TRIM34: variants seen among roughly 807,000 people sequenced by gnomAD.
TRIM34 encodes E3 ubiquitin-protein ligase TRIM34.
Under a neutral mutation model 38.1 loss-of-function variants are expected in TRIM34, and 41 were observed. That is an observed-to-expected ratio of 1.08 (90% CI 0.84 to 1.40). TRIM34 has a LOEUF of 1.40. TRIM34 is among the 40% of genes most tolerant of loss of function. The pLI is 0.00. For missense variants in TRIM34, 556 were observed against 571.4 expected, an observed-to-expected ratio of 0.97 and a Z score of 0.27; for synonymous variants, 200 against 202.5, an observed-to-expected ratio of 0.99 and a Z score of 0.10.
Position 5,643,182 on chromosome 11 carries a change from C to A in TRIM34, c.940C>A (p.Leu314Ile). 1 of 1,580,452 alleles carries A rather than the reference C, an allele frequency of 6.3e-7. No homozygotes were observed. Among genetic ancestry groups the A allele is most frequent in the Non-Finnish European group, 8.6e-7 (1 of 1,166,290 alleles). ...TLNSVNLNLN[L>I]VLSEDQRQVI... ...GAATTCAGTCAACCTAAATTTGAAT[C>A]TTGTCCTTTCAGAAGATCAGAGACA... The change falls in exon 8 of 8, where the codon CTT (leucine) becomes ATT (isoleucine). Residue 314 changes from leucine to isoleucine, a missense_variant. By Grantham distance (5) the Leu-to-Ile change is conservative. Coordinates refer to ENST00000429814, the MANE Select transcript of TRIM34 (RefSeq NM_021616.6).
chr11:5,641,354 G>C (rs951463759), intron 5 of TRIM34, 165 bp downstream of exon 5: 3 of 1,462,862 alleles, frequency 2.1e-6, no homozygotes, highest in East Asian at 5.1e-5. Flanking sequence ...TGAGTGTTCC[G>C]TAACTATTAA....
chr11:5,635,254 ATT>A (rs35208771), intron 4 of TRIM34, among the ~76,000 whole-genome samples: 61,579 of 127,580 alleles, frequency 0.48, 13,271 homozygotes, highest in Non-Finnish European at 0.56. Flanking sequence ...TTCCCTGTTA[ATT>A]TTTTTTTTTT....
chr11:5,638,337 G>A (rs1849837347), intron 4 of TRIM34, among the ~76,000 whole-genome samples: 1 of 152,194 alleles, frequency 6.6e-6, no homozygotes, highest in East Asian at 1.9e-4. Flanking sequence ...TTGTGACAGA[G>A]GTTTGAGCTT....
In TRIM34 at chr11:5,627,503, CT is replaced by C. The variant is rs1849297992; in HGVS notation, c.-78+2444del. ...GGTTGGAAACTAATTTGAAAAAAAA[CT>C]CTTTCAGCATATTCTCACGAAGTAA... On this transcript the variant is annotated intron_variant, in intron 1 of 7. Transcript: ENST00000429814. 2.6e-5 allele frequency among the ~76,000 whole-genome samples: 4 copies of C among 152,266 alleles called. No homozygotes were observed. In the South Asian group the frequency reaches 8.3e-4, roughly 32 times the overall value.
At chr11:5,642,540 GA>G (rs769630383) in intron 6 of TRIM34, 34 bp downstream of exon 6, 92 of 1,609,012 alleles carry the variant, frequency 5.7e-5, no homozygotes, top group Non-Finnish European at 7.3e-5. Flanking sequence ...GTGGATGTGG[GA>G]TTGTTGTGGT....
chr11:5,635,261 T>C (rs1849683331), intron 4 of TRIM34, among the ~76,000 whole-genome samples: 1 of 150,768 alleles, frequency 6.6e-6, no homozygotes, highest in Non-Finnish European at 1.5e-5. Flanking sequence ...TTAATTTTTT[T>C]TTTTTTTTTT....
chr11:5,629,180 G>T (rs1849373504), intron 1 of TRIM34, among the ~76,000 whole-genome samples: 1 of 152,176 alleles, frequency 6.6e-6, no homozygotes, highest in Non-Finnish European at 1.5e-5. Context: ...AGGAGACTGA[G>T]GCAGGAGAAT....
At chr11:5,629,982 A>G (rs1037209888) in intron 1 of TRIM34, among the ~76,000 whole-genome samples, 2 of 152,124 alleles carry the variant, frequency 1.3e-5, no homozygotes, top group Non-Finnish European at 2.9e-5. Context: ...CTGAGATTAC[A>G]GGGGTGAGCC....
Position 5,632,821 on chromosome 11 carries a change from C to CTT in TRIM34, c.423+67_423+68insTT. On this transcript the variant is annotated intron_variant, in intron 2 of 7. Coordinates refer to ENST00000429814, the MANE Select transcript of TRIM34 (RefSeq NM_021616.6). ...TTGGTGGAAAATCTCACCTTTTCAT[C>CTT]CTTTTTTTTTTTTTTTTTTTTTTGA... is the stretch of plus-strand genomic sequence containing the variant. 6 of 1,189,790 alleles carry CTT rather than the reference C, an allele frequency of 5.0e-6. No homozygotes were observed. In the South Asian group the frequency reaches 5.8e-5, roughly 11 times the overall value. The allele number at this position is 1,189,790 out of a possible 1,614,324, so 73.7% of individuals were successfully genotyped here.
chr11:5,620,433 A>G (rs1285830326), upstream of TRIM34, among the ~76,000 whole-genome samples: 4 of 147,946 alleles, frequency 2.7e-5, no homozygotes, highest in African/African-American at 1.0e-4. Context: ...TAACTCCTGA[A>G]CTCGTGATCC....
At chr11:5,632,936 C>T (rs1304264131) in intron 2 of TRIM34, among the ~76,000 whole-genome samples, 182 bp downstream of exon 2, 1 of 142,362 alleles carries the variant, frequency 7.0e-6, no homozygotes, top group East Asian at 2.2e-4. Flanking sequence ...AAGTAATTTT[C>T]CTGCCTCAGC....
intron 7 of TRIM34, 34 bp from the exon 8 acceptor site, chr11:5,643,110 T>C (rs751851026): frequency 1.8e-6 from 2 of 1,103,984 alleles, no homozygotes; most frequent in Non-Finnish European, 2.3e-6. Context: ...ATTATATTCA[T>C]ATACATATAT....
chr11:5,626,158 G>A (rs76632168), intron 1 of TRIM34, among the ~76,000 whole-genome samples: 1,611 of 152,278 alleles, frequency 0.011, 26 homozygotes, highest in South Asian at 0.035. Flanking sequence ...TCCCAGAGGC[G>A]TCTAGTCAGG....
intron 4 of TRIM34, among the ~76,000 whole-genome samples, chr11:5,636,596 C>A (rs1355542260): frequency 1.3e-5 from 2 of 152,156 alleles, no homozygotes; most frequent in Non-Finnish European, 1.5e-5. Flanking sequence ...CTCTTCACAA[C>A]CCTTTGAATC....
intron 5 of TRIM34, 25 bp downstream of exon 5, chr11:5,641,214 T>C (rs1849997668): frequency 1.2e-6 from 2 of 1,613,970 alleles, no homozygotes; most frequent in Non-Finnish European, 1.7e-6. Flanking sequence ...CCAGGAGTGG[T>C]GCTTGTGAGT....
At chr11:5,633,744 C>A in intron 2 of TRIM34, 60 bp from the exon 3 acceptor site, 1 of 1,516,252 alleles carries the variant, frequency 6.6e-7, no homozygotes, top group South Asian at 1.3e-5. Context: ...CCCTGTTTGT[C>A]CTCTATCCAG....
intron 4 of TRIM34, among the ~76,000 whole-genome samples, chr11:5,635,254 A>ATT (rs35208771): frequency 0.03 from 3,887 of 128,262 alleles, 197 homozygotes; most frequent in African/African-American, 0.1. Flanking sequence ...TTCCCTGTTA[A>ATT]TTTTTTTTTT....
In TRIM34 at chr11:5,643,367, G is replaced by A; in HGVS notation, c.1125G>A (p.Lys375=). ...GTAGAACATATTCCCGCCATATGAA[G>A]TATGTTGTTAGAAGATGTGCAAATC... ...VYCRTYSRHM[K]YVVRRCANRQ... Residue 375 remains lysine, a synonymous_variant, in exon 8 of 8, where the codon AAG becomes AAA. Coordinates refer to ENST00000429814, the MANE Select transcript of TRIM34 (RefSeq NM_021616.6). 1.2e-6 allele frequency: 2 copies of A among 1,614,090 alleles called. No individual in the cohort carries two copies. Among genetic ancestry groups the A allele is most frequent in the Non-Finnish European group, 8.5e-7 (1 of 1,179,984 alleles).
At chr11:5,643,035 C>CCCAGAGGAGAAATATTGGG in intron 7 of TRIM34, 109 bp from the exon 8 acceptor site, 1 of 1,288,726 alleles carries the variant, frequency 7.8e-7, no homozygotes. Flanking sequence ...CAAGTTCGTT[C>CCCAGAGGAGAAATATTGGG]ATCACCATGT....
Sources: gnomAD v4.1 joint callset for allele counts (sites outside exome capture counted in the v4.1 genomes callset) on GRCh38, gnomAD v4.1.1 for gene constraint, MANE v1.5 for transcripts, NCBI Gene and HGNC (gene_info 2026-07-23, HGNC 2026-07-21) for gene names.